ZNF804A: variants seen among roughly 807,000 people sequenced by gnomAD.
The protein encoded by ZNF804A is zinc finger protein 804A.
Under a neutral mutation model 16.5 loss-of-function variants are expected in ZNF804A, and 2 were observed. The observed-to-expected ratio is 0.12, with a 90% CI of 0.05 to 0.38. ZNF804A has a LOEUF of 0.38. Ranked by LOEUF, ZNF804A falls within the 10% of genes least tolerant of loss-of-function variation. The pLI, the probability that ZNF804A is intolerant of heterozygous loss-of-function variation, is 0.99. For synonymous variants in ZNF804A, 534 were observed against 489.6 expected, an observed-to-expected ratio of 1.09 and a Z score of -1.20; for missense variants, 1,473 against 1,390.7, an observed-to-expected ratio of 1.06 and a Z score of -0.94.
intron 1 of ZNF804A, among the ~76,000 whole-genome samples, chr2:184,745,011 A>G (rs967692318): frequency 5.9e-5 from 9 of 151,856 alleles, no homozygotes; most frequent in Non-Finnish European, 1.3e-4. Context: ...CAAGTTGTTC[A>G]CATATCTATT....
At chr2:184,757,670 C>T (rs1203689030) in intron 1 of ZNF804A, among the ~76,000 whole-genome samples, 1 of 151,916 alleles carries the variant, frequency 6.6e-6, no homozygotes, top group Non-Finnish European at 1.5e-5. Context: ...GTAGAACATT[C>T]ACCTTAAAAA....
chr2:184,605,151 T>G (rs980140563), intron 1 of ZNF804A, among the ~76,000 whole-genome samples: 59 of 152,266 alleles, frequency 3.9e-4, no homozygotes, highest in Middle Eastern at 3.4e-3. Flanking sequence ...TGAAATAGTT[T>G]CCTATCGTGT....
chr2:184,779,132 T>C (rs1007345578), intron 1 of ZNF804A, among the ~76,000 whole-genome samples: 1 of 151,668 alleles, frequency 6.6e-6, no homozygotes, highest in Non-Finnish European at 1.5e-5. Context: ...AAAAATACTC[T>C]TGTGGTTCTG....
chr2:184,630,445 C>A (rs1467148386), intron 1 of ZNF804A, among the ~76,000 whole-genome samples: 1 of 152,096 alleles, frequency 6.6e-6, no homozygotes, highest in Non-Finnish European at 1.5e-5. Flanking sequence ...ATGCCAAACA[C>A]TTTCTCCTAA....
chr2:184,676,438 C>T (rs1692437486), intron 1 of ZNF804A, among the ~76,000 whole-genome samples: 1 of 151,374 alleles, frequency 6.6e-6, no homozygotes, highest in South Asian at 2.1e-4. Flanking sequence ...AATAGTTTAA[C>T]ATATTATCAA....
intron 1 of ZNF804A, among the ~76,000 whole-genome samples, chr2:184,663,412 A>G (rs1004219770): frequency 3.9e-5 from 6 of 152,034 alleles, no homozygotes; most frequent in African/African-American, 1.4e-4. Flanking sequence ...GGCACTGTGC[A>G]TGGGAGGGAG....
At chr2:184,678,549 T>C (rs977143710) in intron 1 of ZNF804A, among the ~76,000 whole-genome samples, 4 of 152,160 alleles carry the variant, frequency 2.6e-5, no homozygotes, top group Non-Finnish European at 5.9e-5. Flanking sequence ...TTTTTCAAGC[T>C]AAATGTCCTG....
intron 1 of ZNF804A, among the ~76,000 whole-genome samples, chr2:184,783,492 G>C (rs1428981944): frequency 1.3e-5 from 2 of 151,786 alleles, no homozygotes; most frequent in East Asian, 3.9e-4. Context: ...TTTTGTCTCT[G>C]TTAGACCAGA....
rs190748553 is a variant in ZNF804A at position 184,823,477 on chromosome 2, C to T, written c.112-42892C>T. Among the ~76,000 whole-genome samples, 1,491 of 152,192 alleles carry T rather than the reference C, an allele frequency of 9.8e-3. 13 individuals are homozygous for T. The highest frequency in any genetic ancestry group is 0.017 in the Non-Finnish European group (1,167 of 68,004). On this transcript the variant is annotated intron_variant, in intron 1 of 3. Coordinates refer to ENST00000302277, the MANE Select transcript of ZNF804A (RefSeq NM_194250.2). ...ATCATTTGTTACTGATAGTAGTATTCCCAGTTTCTCACCCAGAACTATTGA... is the reference window on the plus strand; with the variant it reads ...ATCATTTGTTACTGATAGTAGTATTTCCAGTTTCTCACCCAGAACTATTGA...
chr2:184,655,021 T>C (rs1157160578), intron 1 of ZNF804A, among the ~76,000 whole-genome samples: 1 of 152,236 alleles, frequency 6.6e-6, no homozygotes, highest in Non-Finnish European at 1.5e-5. Context: ...TATACATCTC[T>C]ACTCATTACA....
At chr2:184,918,414 T>C (rs1583048) in intron 2 of ZNF804A, among the ~76,000 whole-genome samples, 23,043 of 152,122 alleles carry the variant, frequency 0.15, 2,247 homozygotes, top group East Asian at 0.3. Context: ...AGTAAATCAA[T>C]AGTGGTAATA....
intron 1 of ZNF804A, among the ~76,000 whole-genome samples, chr2:184,639,581 G>A (rs1479290716): frequency 1.3e-5 from 2 of 152,208 alleles, no homozygotes; most frequent in East Asian, 1.9e-4. Flanking sequence ...TTAAATAAAT[G>A]CATGAGAAAG....
intron 1 of ZNF804A, among the ~76,000 whole-genome samples, chr2:184,750,257 A>G (rs970468037): frequency 6.6e-6 from 1 of 151,358 alleles, no homozygotes; most frequent in Admixed American, 6.6e-5. Context: ...ACAATACAGC[A>G]TAGCATAACC....
At chr2:184,830,107 C>A (rs1008266792) in intron 1 of ZNF804A, among the ~76,000 whole-genome samples, 1 of 119,264 alleles carries the variant, frequency 8.4e-6, no homozygotes, top group Admixed American at 8.8e-5. Flanking sequence ...ACAACACACC[C>A]ACCCACACAC....
intron 2 of ZNF804A, among the ~76,000 whole-genome samples, chr2:184,890,436 AG>A (rs1452951775): frequency 6.6e-6 from 1 of 152,116 alleles, no homozygotes; most frequent in East Asian, 1.9e-4. Context: ...AGACTGCAAA[AG>A]TGAAGTGAGT....
chr2:184,899,129 A>G (rs1234763630), intron 2 of ZNF804A, among the ~76,000 whole-genome samples: 1 of 151,984 alleles, frequency 6.6e-6, no homozygotes, highest in African/African-American at 2.4e-5. Context: ...CATGGTTCGT[A>G]TTAATCATCT....
chr2:184,870,543 A>T (rs1695959668), intron 2 of ZNF804A, among the ~76,000 whole-genome samples: 1 of 152,098 alleles, frequency 6.6e-6, no homozygotes, highest in African/African-American at 2.4e-5. Flanking sequence ...TCAAATATAT[A>T]GAAACTGGAG....
intron 1 of ZNF804A, among the ~76,000 whole-genome samples, chr2:184,686,281 T>C (rs1454082442): frequency 6.6e-6 from 1 of 152,146 alleles, no homozygotes; most frequent in Non-Finnish European, 1.5e-5. Flanking sequence ...CTTCCACCTT[T>C]TCCAGCTCTT....
At chr2:184,833,142 A>G (rs1177661707) in intron 1 of ZNF804A, among the ~76,000 whole-genome samples, 1 of 152,004 alleles carries the variant, frequency 6.6e-6, no homozygotes, top group Non-Finnish European at 1.5e-5. Flanking sequence ...CTACTCTCAC[A>G]CTTATCTCAG....
Sources: gnomAD v4.1 joint callset for allele counts (sites outside exome capture counted in the v4.1 genomes callset) on GRCh38, gnomAD v4.1.1 for gene constraint, MANE v1.5 for transcripts, NCBI Gene and HGNC (gene_info 2026-07-23, HGNC 2026-07-21) for gene names.